The following CDH13 variants were observed in gnomAD, a reference collection of about 807,000 sequenced individuals.
CDH13 encodes the protein cadherin 13.
A neutral mutation model predicts 63.8 loss-of-function variants in CDH13; 24 were observed. That is an observed-to-expected ratio of 0.38 (90% confidence interval 0.27 to 0.53). The LOEUF is 0.53. Among genes scored for constraint, CDH13 ranks in the 20% least tolerant of loss-of-function variants. The pLI is 0.85. For missense variants in CDH13, 1,049 were observed against 903.1 expected (o/e 1.16, Z -2.07); for synonymous variants, 503 against 355.3 (o/e 1.42, Z -4.67).
intron 3 of CDH13, among the ~76,000 whole-genome samples, chr16:83,069,766 T>G (rs1459790212): frequency 6.6e-6 from 1 of 152,002 alleles, no homozygotes; most frequent in African/African-American, 2.4e-5. Context: ...CTGTTCAGAG[T>G]GGACAGGAAC....
intron 2 of CDH13, among the ~76,000 whole-genome samples, chr16:82,964,867 C>T (rs1433882966): frequency 6.6e-6 from 1 of 152,106 alleles, no homozygotes; most frequent in Non-Finnish European, 1.5e-5. Context: ...CTGGTTAGGA[C>T]ATGGTGGCAC....
At position 83,795,964 on chromosome 16, in the gene CDH13, C is replaced by T. The variant is rs528219613; in HGVS notation, c.*934C>T. ...TGCATACAAAGAGGTGTACAGGTAC[C>T]ATCTTGTATACACATATATACCCAC... is the stretch of plus-strand genomic sequence containing the variant. On this transcript the variant is annotated 3_prime_UTR_variant, in exon 14 of 14. Transcript: ENST00000567109. The T allele has an allele frequency of 2.0e-5, 3 of 152,694 alleles. No individual in the cohort carries two copies. The highest frequency in any genetic ancestry group is 1.3e-4 in the Admixed American group (2 of 15,292). The allele number at this position is 152,694 out of a possible 1,614,324, so 9.5% of individuals were successfully genotyped here.
At chr16:82,903,520 C>A (rs2041540144) in intron 2 of CDH13, among the ~76,000 whole-genome samples, 1 of 152,206 alleles carries the variant, frequency 6.6e-6, no homozygotes, top group South Asian at 2.1e-4. Context: ...CCTGGCCACC[C>A]ACCCTGCCAT....
At chr16:83,037,255 T>C (rs927444668) in intron 3 of CDH13, among the ~76,000 whole-genome samples, 3 of 152,234 alleles carry the variant, frequency 2.0e-5, no homozygotes, top group African/African-American at 7.2e-5. Context: ...CCTGTGGGGT[T>C]ACCGAGATTA....
chr16:83,417,541 C>T (rs980171196), intron 6 of CDH13, among the ~76,000 whole-genome samples: 1 of 152,110 alleles, frequency 6.6e-6, no homozygotes, highest in Non-Finnish European at 1.5e-5. Flanking sequence ...ACCTCAGTTG[C>T]CATTTGGAAA....
At chr16:83,324,814 T>A (rs987501386) in intron 5 of CDH13, among the ~76,000 whole-genome samples, 3 of 152,214 alleles carry the variant, frequency 2.0e-5, no homozygotes, top group African/African-American at 4.8e-5. Flanking sequence ...GCTGAACTAT[T>A]TGAGGAACTG....
chr16:82,848,931 A>C (rs1454726435), intron 1 of CDH13, among the ~76,000 whole-genome samples: 1 of 152,224 alleles, frequency 6.6e-6, no homozygotes, highest in Non-Finnish European at 1.5e-5. Context: ...GCAAAGGAAG[A>C]GTTCCTGAAG....
rs910781202 is a variant in CDH13, at chr16:83,159,728, G to A, written c.483+34227G>A. On this transcript the variant is annotated intron_variant, in intron 4 of 13. Coordinates refer to ENST00000567109, the MANE Select transcript of CDH13 (RefSeq NM_001257.5). ...TAACCAACTCATTTACAGCATAGCCGCCTGTCAAGCATATAAAACTGTACC... is the reference window on the plus strand; with the variant it reads ...TAACCAACTCATTTACAGCATAGCCACCTGTCAAGCATATAAAACTGTACC... Among the ~76,000 whole-genome samples the A allele has an allele frequency of 5.9e-5, 9 of 152,188 alleles. No homozygotes were observed. The South Asian group carries it at 6.2e-4, about 11-fold the overall frequency.
chr16:83,191,524 C>T (rs1196918559), intron 4 of CDH13, among the ~76,000 whole-genome samples: 24 of 100,542 alleles, frequency 2.4e-4, no homozygotes, highest in Non-Finnish European at 3.5e-4. Flanking sequence ...CACACACACA[C>T]ACACACATAT....
chr16:83,795,040 A>T lies in CDH13; in HGVS notation c.*10A>T. The T allele has an allele frequency of 6.3e-7, 1 of 1,589,602 alleles. No individual in the cohort carries two copies. Among genetic ancestry groups the T allele is most frequent in the East Asian group, 2.3e-5 (1 of 44,280 alleles). ...CTATTCAGGTCTGTGAGAACTCCTG[A>T]CGTCTGAAGCTTGACTCCCAAGTTT... On this transcript the variant is annotated 3_prime_UTR_variant, in exon 14 of 14. Transcript: ENST00000567109.
chr16:82,844,258 T>A (rs921827972), intron 1 of CDH13, among the ~76,000 whole-genome samples: 5 of 152,062 alleles, frequency 3.3e-5, no homozygotes, highest in Admixed American at 1.3e-4. Context: ...AAGGAGGCTG[T>A]GAACTAAAGG....
chr16:83,720,846 G>A (rs1161598503), intron 10 of CDH13, among the ~76,000 whole-genome samples: 1 of 152,174 alleles, frequency 6.6e-6, no homozygotes, highest in Non-Finnish European at 1.5e-5. Flanking sequence ...TTCAAGCAAG[G>A]TCCTGTCATA....
At chr16:82,840,683 T>TCA (rs1235082537) in intron 1 of CDH13, among the ~76,000 whole-genome samples, 31 of 71,376 alleles carry the variant, frequency 4.3e-4, no homozygotes, top group Non-Finnish European at 8.8e-4. Context: ...AGAATCCATC[T>TCA]CAAAAAAAAA....
At chr16:83,562,666 T>G (rs923360335) in intron 7 of CDH13, among the ~76,000 whole-genome samples, 4 of 152,216 alleles carry the variant, frequency 2.6e-5, no homozygotes, top group African/African-American at 7.2e-5. Context: ...ATAGGTTTGG[T>G]GAAGAACGTT....
At chr16:83,193,103 G>T (rs1279311578) in intron 4 of CDH13, among the ~76,000 whole-genome samples, 1 of 151,870 alleles carries the variant, frequency 6.6e-6, no homozygotes, top group Non-Finnish European at 1.5e-5. Flanking sequence ...TGCACCTACA[G>T]GCATTGCTGT....
At chr16:83,519,543 C>G (rs1182000618) in intron 7 of CDH13, among the ~76,000 whole-genome samples, 3 of 152,148 alleles carry the variant, frequency 2.0e-5, no homozygotes, top group Non-Finnish European at 2.9e-5. Context: ...ACTATAATAC[C>G]TTGAGTATTA....
intron 10 of CDH13, among the ~76,000 whole-genome samples, chr16:83,726,964 T>C (rs1165469636): frequency 2.6e-5 from 4 of 152,228 alleles, no homozygotes; most frequent in African/African-American, 9.6e-5. Context: ...CTGGAAATCA[T>C]GGATACCTCC....
At chr16:83,753,106 C>T (rs1020403312) in intron 11 of CDH13, among the ~76,000 whole-genome samples, 2 of 152,058 alleles carry the variant, frequency 1.3e-5, no homozygotes, top group African/African-American at 2.4e-5. Context: ...CGAACAAGAC[C>T]CAAAGGACTT....
intron 2 of CDH13, among the ~76,000 whole-genome samples, chr16:82,989,632 T>C (rs56387206): frequency 0.12 from 18,291 of 152,170 alleles, 1,421 homozygotes; most frequent in African/African-American, 0.22. Context: ...ACTTTAATTT[T>C]CTCGATTAGT....
Sources: gnomAD v4.1 joint callset for allele counts (sites outside exome capture counted in the v4.1 genomes callset) on GRCh38, gnomAD v4.1.1 for gene constraint, MANE v1.5 for transcripts, NCBI Gene and HGNC (gene_info 2026-07-23, HGNC 2026-07-21) for gene names.